RGS7: variants seen among roughly 807,000 people sequenced by gnomAD.
RGS7 encodes regulator of G-protein signaling 7.
In RGS7, 27 loss-of-function variants were observed where a neutral mutation model predicts 81.1. That is an observed-to-expected ratio of 0.33 (90% CI 0.25 to 0.46). The LOEUF is 0.46. RGS7 is among the 20% of genes least tolerant of loss of function. The pLI, the probability that RGS7 is intolerant of heterozygous loss-of-function variation, is 1.00. For synonymous variants in RGS7, 208 were observed against 207.7 expected (o/e 1.00, Z -0.01); for missense variants, 396 against 607.4 (o/e 0.65, Z 3.66).
intron 6 of RGS7, chr1:240,920,559 G>A: frequency 1.2e-6 from 1 of 848,622 alleles, no homozygotes; most frequent in Admixed American, 1.7e-5. Context: ...AAACTAAGGT[G>A]GCTATGGTGG....
At chr1:241,351,695 G>C (rs933673752) in intron 2 of RGS7, among the ~76,000 whole-genome samples, 1 of 152,142 alleles carries the variant, frequency 6.6e-6, no homozygotes, top group Non-Finnish European at 1.5e-5. Flanking sequence ...AGGATGAAGG[G>C]ACAGCACAGG....
At chr1:241,221,669 C>CT (rs2075023700) in intron 2 of RGS7, among the ~76,000 whole-genome samples, 1 of 152,166 alleles carries the variant, frequency 6.6e-6, no homozygotes, top group African/African-American at 2.4e-5. Flanking sequence ...AACAGATTGC[C>CT]TACAAGAATG....
chr1:241,167,727 C>T (rs1370125194), intron 2 of RGS7, among the ~76,000 whole-genome samples: 1 of 151,616 alleles, frequency 6.6e-6, no homozygotes, highest in African/African-American at 2.4e-5. Flanking sequence ...ATCATGTTGG[C>T]CAGGCTTGTC....
rs1412756724 is a variant in RGS7 at position 241,304,786 on chromosome 1, G to GA, written c.78+50912dup. Among the ~76,000 whole-genome samples, 4 of 152,256 alleles carry GA rather than the reference G, an allele frequency of 2.6e-5. No homozygotes were observed. In the East Asian group the frequency reaches 7.7e-4, roughly 29 times the overall value. On this transcript the variant is annotated intron_variant, in intron 2 of 18. Coordinates refer to ENST00000440928, the MANE Select transcript of RGS7 (RefSeq NM_001364886.1). ...ATAAAGAAAAAGTAAAGAAGTCTAA[G>GA]AAAAAATATATTTGCACATATGTGA...
chr1:241,017,659 G>A (rs2059330285), intron 3 of RGS7, among the ~76,000 whole-genome samples: 1 of 151,978 alleles, frequency 6.6e-6, no homozygotes, highest in South Asian at 2.1e-4. Context: ...ATAGTTTCTG[G>A]TGAAAAGTCT....
chr1:240,868,987 A>G lies in RGS7; in HGVS notation c.451-135T>C, dbSNP rs144288843. On this transcript the variant is annotated intron_variant, in intron 7 of 18. Coordinates refer to ENST00000440928, the MANE Select transcript of RGS7 (RefSeq NM_001364886.1). This position sits in a 1 kb window ranked among gnomAD's most constrained non-coding sequence, Gnocchi z 5.1. ...CCTAAGTGTACTGTGGTTCTCAATG[A>G]TAAGTCATGCTCCCTGAATTCAGCT... The G allele has an allele frequency of 1.8e-4, 141 of 793,994 alleles. No homozygotes were observed. The African/African-American group carries it at 2.0e-3, about 11-fold the overall frequency. 49.2% of individuals were successfully genotyped at this position (793,994 alleles called of 1,614,324 possible).
At chr1:240,958,960 A>G (rs536544558) in intron 4 of RGS7, among the ~76,000 whole-genome samples, 8 of 152,378 alleles carry the variant, frequency 5.3e-5, no homozygotes, top group Admixed American at 4.6e-4. Context: ...ACAGGCAGGC[A>G]CGCTGCTTAA....
intron 2 of RGS7, among the ~76,000 whole-genome samples, chr1:241,114,579 A>C (rs1041506871): frequency 2.0e-5 from 3 of 152,188 alleles, no homozygotes; most frequent in African/African-American, 7.2e-5. Context: ...TCTTTTATAG[A>C]AGCAAAGTCT....
intron 4 of RGS7, among the ~76,000 whole-genome samples, chr1:240,942,212 C>T (rs766418549): frequency 2.6e-5 from 4 of 151,970 alleles, no homozygotes; most frequent in Admixed American, 6.6e-5. Flanking sequence ...TTGACCACAA[C>T]GATTTCAAAA....
At chr1:241,285,667 T>C (rs566352118) in intron 2 of RGS7, among the ~76,000 whole-genome samples, 1 of 152,288 alleles carries the variant, frequency 6.6e-6, no homozygotes, top group African/African-American at 2.4e-5. Context: ...ACCCAAGAAG[T>C]CAGCCTCCAG....
At chr1:241,008,119 GACAA>G (rs145524565) in intron 3 of RGS7, among the ~76,000 whole-genome samples, 25,021 of 151,442 alleles carry the variant, frequency 0.17, 2,394 homozygotes, top group Middle Eastern at 0.26. Context: ...GGCAACAAAA[GACAA>G]ACAAACAAAC....
chr1:240,999,377 C>CA (rs199672859), intron 3 of RGS7, among the ~76,000 whole-genome samples: 2 of 151,028 alleles, frequency 1.3e-5, no homozygotes, highest in African/African-American at 2.4e-5. Flanking sequence ...TTAAGAATCA[C>CA]AAAAAAAACA....
chr1:241,246,358 G>A (rs1022277636), intron 2 of RGS7, among the ~76,000 whole-genome samples: 1 of 152,078 alleles, frequency 6.6e-6, no homozygotes, highest in Admixed American at 6.5e-5. Context: ...CACTACTAAG[G>A]TAGTGAACCG....
intron 6 of RGS7, among the ~76,000 whole-genome samples, chr1:240,890,598 A>G (rs1333752423): frequency 6.6e-6 from 1 of 151,956 alleles, no homozygotes; most frequent in Admixed American, 6.5e-5. Context: ...AGTAACAGCA[A>G]CAATAATAAT....
Position 241,076,147 on chromosome 1 carries a change from C to G in RGS7, c.175+22519G>C, listed in dbSNP as rs151259490. Among the ~76,000 whole-genome samples the G allele has an allele frequency of 1.3e-3, 193 of 152,232 alleles. 1 individual carries two copies. The highest frequency in any genetic ancestry group is 4.3e-3 in the African/African-American group (179 of 41,570). ...CATGGAGCATGAGAGTGAGCTGTAC[C>G]TGGCATGATGTATGCAACGTGGCTT... On this transcript the variant is annotated intron_variant, in intron 3 of 18. Transcript: ENST00000440928.
intron 2 of RGS7, among the ~76,000 whole-genome samples, chr1:241,320,180 T>C (rs1176734947): frequency 6.6e-6 from 1 of 152,212 alleles, no homozygotes; most frequent in Non-Finnish European, 1.5e-5. Context: ...TGTAGTTCCC[T>C]GAAGCATCAT....
In RGS7 at chr1:241,271,187, A is replaced by G. The variant is rs1186007261; in HGVS notation, c.78+84512T>C. Among the ~76,000 whole-genome samples, 1 of 152,044 alleles carries G rather than the reference A, an allele frequency of 6.6e-6. No individual in the cohort carries two copies. Among genetic ancestry groups the G allele is most frequent in the Non-Finnish European group, 1.5e-5 (1 of 68,012 alleles). ...CTAAAACGTCTCCTTTATAATGTGG[A>G]GCTAAACAGTTCAAAATCTTGAACA... On this transcript the variant is annotated intron_variant, in intron 2 of 18. Coordinates refer to ENST00000440928, the MANE Select transcript of RGS7 (RefSeq NM_001364886.1). This position sits in a 1 kb window ranked among gnomAD's most constrained non-coding sequence, Gnocchi z 4.6.
chr1:241,119,100 T>C (rs1424864154), intron 2 of RGS7, among the ~76,000 whole-genome samples: 1 of 151,854 alleles, frequency 6.6e-6, no homozygotes, highest in African/African-American at 2.4e-5. Flanking sequence ...AAATAAAAAA[T>C]TAAAATAATC....
chr1:241,058,077 G>C (rs2148824716), intron 3 of RGS7, among the ~76,000 whole-genome samples: 1 of 152,190 alleles, frequency 6.6e-6, no homozygotes, highest in Admixed American at 6.5e-5. Context: ...CACCAGGAAA[G>C]GCAGGTTCCA....
Sources: gnomAD v4.1 joint callset for allele counts (sites outside exome capture counted in the v4.1 genomes callset) on GRCh38, gnomAD v4.1.1 for gene constraint, Gnocchi (gnomAD v3.1) non-coding constraint, MANE v1.5 for transcripts, NCBI Gene and HGNC (gene_info 2026-07-23, HGNC 2026-07-21) for gene names.